The following ATG4C variants were observed in gnomAD, a reference collection of about 807,000 sequenced individuals.
ATG4C encodes autophagy related 4C cysteine peptidase, also known as cysteine protease ATG4C.
ATG4C carries 56 observed loss-of-function variants against 57.6 expected under a neutral mutation model. The ratio of observed to expected loss-of-function variants is 0.97; its 90% CI spans 0.78 to 1.21. The LOEUF (loss-of-function observed/expected upper bound fraction) is 1.21, where lower values mean the gene tolerates loss of function less well. Ranked by LOEUF, ATG4C falls within the 50% of genes most tolerant of loss-of-function variation. The pLI, the probability that ATG4C is intolerant of heterozygous loss-of-function variation, is 0.00. For missense variants in ATG4C, 595 were observed against 529.8 expected (o/e 1.12, Z -1.21); for synonymous variants, 157 against 174.1 (o/e 0.90, Z 0.78).
intron 1 of ATG4C, among the ~76,000 whole-genome samples, chr1:62,788,025 A>C (rs184503698): frequency 1.3e-5 from 2 of 152,320 alleles, no homozygotes. Flanking sequence ...ATTGTCCCAG[A>C]TACACCAGCA....
At chr1:62,829,343 A>G (rs1292644633) in intron 7 of ATG4C, among the ~76,000 whole-genome samples, 167 bp downstream of exon 7, 1 of 152,170 alleles carries the variant, frequency 6.6e-6, no homozygotes. Context: ...TATAAGACCA[A>G]TGTGAGTTGA....
intron 3 of ATG4C, 142 bp downstream of exon 3, chr1:62,805,397 A>C: frequency 8.3e-7 from 1 of 1,208,344 alleles, no homozygotes; most frequent in South Asian, 2.6e-5. Context: ...ATATATTACT[A>C]TGTTGTTTGG....
chr1:62,841,506 A>G lies in ATG4C; in HGVS notation c.1168A>G (p.Asn390Asp), dbSNP rs1666165688. 6.2e-7 allele frequency: 1 copy of G among 1,606,414 alleles called. No homozygotes were observed. The highest frequency in any genetic ancestry group is 1.1e-5 in the South Asian group (1 of 89,240). ...PSCTIGFYCR[N>D]VQDFKRASEE... The stretch of plus-strand genomic sequence containing the variant: ...CTGTACAATAGGATTTTACTGTCGA[A>G]ATGTTCAGGACTTCAAACGAGCTTC... Residue 390 changes from asparagine (N) to aspartate (D), a missense_variant, in exon 10 of 11, where the codon AAT becomes GAT. Asn to Asp is a conservative substitution (Grantham distance 23, BLOSUM62 1). Coordinates refer to ENST00000317868, the MANE Select transcript of ATG4C (RefSeq NM_032852.4).
chr1:62,821,100 T>C, intron 5 of ATG4C, 39 bp from the exon 6 acceptor site: 2 of 1,490,136 alleles, frequency 1.3e-6, no homozygotes, highest in Non-Finnish European at 1.8e-6. Context: ...CAATAGGAAA[T>C]GTTAGGATTT....
At chr1:62,818,058 A>T (rs1326103189) in intron 4 of ATG4C, among the ~76,000 whole-genome samples, 2 of 151,334 alleles carry the variant, frequency 1.3e-5, no homozygotes, top group African/African-American at 2.5e-5. Context: ...TCCTCACTAG[A>T]TCTCTGAATC....
At chr1:62,793,885 A>G (rs1321996828) in intron 1 of ATG4C, among the ~76,000 whole-genome samples, 2 of 152,146 alleles carry the variant, frequency 1.3e-5, no homozygotes, top group Non-Finnish European at 2.9e-5. Context: ...AAAGACTACT[A>G]TCTCTATATA....
chr1:62,840,466 T>G (rs963488861), intron 9 of ATG4C, among the ~76,000 whole-genome samples: 1 of 152,234 alleles, frequency 6.6e-6, no homozygotes, highest in African/African-American at 2.4e-5. Flanking sequence ...ATATACAGTC[T>G]TATGTTCTTT....
At chr1:62,825,316 C>T (rs943137065) in intron 6 of ATG4C, among the ~76,000 whole-genome samples, 3 of 151,934 alleles carry the variant, frequency 2.0e-5, no homozygotes, top group Non-Finnish European at 2.9e-5. Context: ...TTCTAAGCCT[C>T]GCAGTAACTT....
intron 2 of ATG4C, among the ~76,000 whole-genome samples, chr1:62,804,483 A>G (rs1664791180): frequency 6.6e-6 from 1 of 151,550 alleles, no homozygotes; most frequent in Non-Finnish European, 1.5e-5. Flanking sequence ...TATAGAATTT[A>G]TTCAGGTGAT....
At chr1:62,844,757 C>T (rs2100349429) in intron 10 of ATG4C, among the ~76,000 whole-genome samples, 1 of 152,018 alleles carries the variant, frequency 6.6e-6, no homozygotes, top group East Asian at 1.9e-4. Context: ...GTATCATACC[C>T]ATACTTTATA....
chr1:62,860,042 A>G (rs1323190612), intron 10 of ATG4C, among the ~76,000 whole-genome samples: 5 of 152,122 alleles, frequency 3.3e-5, no homozygotes, highest in East Asian at 1.9e-4. Context: ...GATTTTTTCT[A>G]TTTTTAAAAT....
chr1:62,814,908 T>C lies in ATG4C; in HGVS notation c.161-1667T>C, dbSNP rs557592123. Among the ~76,000 whole-genome samples the C allele has an allele frequency of 5.3e-5, 8 of 152,126 alleles. No homozygotes were observed. In the South Asian group the frequency reaches 1.5e-3, roughly 28 times the overall value. On this transcript the variant is annotated intron_variant, in intron 3 of 10. Coordinates refer to ENST00000317868, the MANE Select transcript of ATG4C (RefSeq NM_032852.4). ...GGAGACACCTCGTCTCAACTAAAAA[T>C]ACAAAAATTAGCCTGGCGTTGTGGT...
chr1:62,803,858 A>C lies in ATG4C; in HGVS notation c.72A>C (p.Lys24Asn). The change falls in exon 2 of 11, where the codon AAA becomes AAC. Residue 24 changes from lysine to asparagine, a missense_variant. By Grantham distance (94) the Lys-to-Asn change is moderately conservative. Transcript: ENST00000317868. ...TTATATCTGCTTGGAACAACATGAAATATAGTAAGTATCATGTTTTAAAAA... is the reference window on the plus strand; with the variant it reads ...TTATATCTGCTTGGAACAACATGAACTATAGTAAGTATCATGTTTTAAAAA... ...TKFISAWNNM[K>N]YSWVLKTKTY... is the part of the protein sequence containing the mutation. The C allele has an allele frequency of 6.4e-7, 1 of 1,566,340 alleles. No individual in the cohort carries two copies. The highest frequency in any genetic ancestry group is 8.7e-7 in the Non-Finnish European group (1 of 1,143,166).
rs1665384521 is a variant in ATG4C, at chr1:62,819,032, T to A, written c.422T>A (p.Ile141Asn). ...RAWTWPDALN[I>N]ENSDSESWTS... ...TGGACCTGGCCTGATGCTTTGAATATTGAAAATTCAGACTCTGAATCATGG... is the reference window on the plus strand; with the variant it reads ...TGGACCTGGCCTGATGCTTTGAATAATGAAAATTCAGACTCTGAATCATGG... Residue 141 changes from isoleucine to asparagine, a missense_variant, in exon 5 of 11, where the codon ATT becomes AAT. Transcript: ENST00000317868. 1 of 1,574,782 alleles carries A rather than the reference T, an allele frequency of 6.4e-7. No homozygotes were observed. The highest frequency in any genetic ancestry group is 8.6e-7 in the Non-Finnish European group (1 of 1,162,470).
intron 9 of ATG4C, among the ~76,000 whole-genome samples, chr1:62,839,525 A>G (rs932744763): frequency 3.9e-5 from 6 of 152,226 alleles, no homozygotes; most frequent in Non-Finnish European, 2.9e-5. Flanking sequence ...GAGCTGGGCA[A>G]ATGGTTATTT....
At chr1:62,801,950 T>C (rs1281884088) in intron 1 of ATG4C, among the ~76,000 whole-genome samples, 1 of 87,668 alleles carries the variant, frequency 1.1e-5, no homozygotes, top group African/African-American at 4.7e-5. Flanking sequence ...AGAGCAAGAC[T>C]CTGTCTCCAA....
chr1:62,849,814 C>G (rs1336223658), intron 10 of ATG4C, among the ~76,000 whole-genome samples: 1 of 151,814 alleles, frequency 6.6e-6, no homozygotes, highest in Non-Finnish European at 1.5e-5. Flanking sequence ...CCTGGCTGTA[C>G]TTTATCCATT....
In ATG4C at chr1:62,865,188, T is replaced by C. The variant is rs1053186756; in HGVS notation, c.*1029T>C. ...TGTTTTGGTTTTAATGTTGGGATTATTTTAATCCTTTCATTTGAAAAATCA... is the reference window on the plus strand; with the variant it reads ...TGTTTTGGTTTTAATGTTGGGATTACTTTAATCCTTTCATTTGAAAAATCA... On this transcript the variant is annotated 3_prime_UTR_variant, in exon 11 of 11. Transcript: ENST00000317868. 5 of 151,976 alleles carry C rather than the reference T, an allele frequency of 3.3e-5. No homozygotes were observed. Among genetic ancestry groups the C allele is most frequent in the Admixed American group, 6.6e-5 (1 of 15,252 alleles). The allele number at this position is 151,976 out of a possible 1,614,324, so 9.4% of individuals were successfully genotyped here.
chr1:62,805,706 T>C (rs901306315), intron 3 of ATG4C, among the ~76,000 whole-genome samples: 5 of 152,314 alleles, frequency 3.3e-5, no homozygotes, highest in East Asian at 3.9e-4. Context: ...ATGTCACTCA[T>C]TGGGTGCCGG....
Sources: gnomAD v4.1 joint callset for allele counts (sites outside exome capture counted in the v4.1 genomes callset) on GRCh38, gnomAD v4.1.1 for gene constraint, MANE v1.5 for transcripts, NCBI Gene and HGNC (gene_info 2026-07-23, HGNC 2026-07-21) for gene names.